The following USP33 variants were observed in gnomAD, a reference collection of about 807,000 sequenced individuals.
The protein encoded by USP33 is ubiquitin specific peptidase 33, also known as ubiquitin carboxyl-terminal hydrolase 33.
A neutral mutation model predicts 124.2 loss-of-function variants in USP33; 46 were observed. The observed-to-expected ratio is 0.37, with a 90% CI of 0.29 to 0.47. USP33 has a LOEUF of 0.47. USP33 is among the 20% of genes least tolerant of loss of function. The pLI is 0.99. For synonymous variants in USP33, 350 were observed against 352.3 expected, an observed-to-expected ratio of 0.99 and a Z score of 0.07; for missense variants, 851 against 1,070.6, an observed-to-expected ratio of 0.79 and a Z score of 2.86.
intron 21 of USP33, among the ~76,000 whole-genome samples, chr1:77,705,951 T>C (rs1432781443): frequency 6.6e-6 from 1 of 152,262 alleles, no homozygotes; most frequent in African/African-American, 2.4e-5. Context: ...ATAATGTTTC[T>C]ACTATTCATC....
intron 3 of USP33, among the ~76,000 whole-genome samples, 161 bp downstream of exon 3, chr1:77,741,215 G>T (rs1679079724): frequency 6.6e-6 from 1 of 152,074 alleles, no homozygotes. Flanking sequence ...TACAGATTAA[G>T]ATCTTTCCAA....
At chr1:77,755,269 C>T (rs1230999656) in intron 1 of USP33, among the ~76,000 whole-genome samples, 1 of 152,176 alleles carries the variant, frequency 6.6e-6, no homozygotes, top group Non-Finnish European at 1.5e-5. Context: ...AAAACAAATG[C>T]TATCACCATA....
At chr1:77,714,342 G>A (rs1409002699) in intron 19 of USP33, among the ~76,000 whole-genome samples, 2 of 152,142 alleles carry the variant, frequency 1.3e-5, no homozygotes, top group African/African-American at 4.8e-5. Flanking sequence ...AGCTTTCACA[G>A]AAGAAAAAGG....
chr1:77,725,331 T>C (rs1677041130), intron 11 of USP33, among the ~76,000 whole-genome samples: 1 of 152,100 alleles, frequency 6.6e-6, no homozygotes, highest in Non-Finnish European at 1.5e-5. Flanking sequence ...TTCTTTGGGG[T>C]GTTAGAGCTG....
chr1:77,700,791 C>T (rs1369432223), intron 22 of USP33, among the ~76,000 whole-genome samples: 1 of 150,998 alleles, frequency 6.6e-6, no homozygotes, highest in Non-Finnish European at 1.5e-5. Context: ...GCCTCCGCCT[C>T]GTGGATTCAA....
At chr1:77,754,605 CA>C (rs550618669) in intron 1 of USP33, among the ~76,000 whole-genome samples, 84 of 152,320 alleles carry the variant, frequency 5.5e-4, no homozygotes, top group African/African-American at 2.0e-3. Flanking sequence ...GAAGATCCCA[CA>C]AAGTCCTATA....
chr1:77,733,025 C>A (rs1678017168), intron 7 of USP33, among the ~76,000 whole-genome samples: 3 of 151,650 alleles, frequency 2.0e-5, no homozygotes, highest in Admixed American at 1.3e-4. Context: ...GAACTCCTGA[C>A]CTCATGATCC....
chr1:77,729,951 A>T lies in USP33; in HGVS notation c.639-13T>A. The T allele has an allele frequency of 1.3e-6, 2 of 1,586,780 alleles. No individual in the cohort carries two copies. The highest frequency in any genetic ancestry group is 1.7e-6 in the Non-Finnish European group (2 of 1,171,314). ...AACAGATCCTGGCCTGAGCAAGAAA[A>T]CATTTTTAAAGAGCAATTTTTGTTA... On this transcript the variant is annotated splice_polypyrimidine_tract_variant and intron_variant, in intron 8 of 23. Transcript: ENST00000370794.
chr1:77,729,905 T>G lies in USP33; in HGVS notation c.672A>C (p.Gln224His). Reference sequence around the variant, plus strand: ...ATGTTGGATTTACAGTTTTAATTCCTTGAAACAGAGTAGTAGGCACAACAG... The same window carrying G: ...ATGTTGGATTTACAGTTTTAATTCCGTGAAACAGAGTAGTAGGCACAACAG... ...PGSVVPTTLF[Q>H]GIKTVNPTFR... is the part of the protein sequence containing the mutation. Residue 224 changes from glutamine (Q) to histidine (H), a missense_variant, in exon 9 of 24, where the codon CAA becomes CAC. This residue lies in a region of USP33 where 221 missense variants were observed against 302.9 expected (regional missense o/e 0.73). Transcript: ENST00000370794. 5.6e-6 allele frequency: 9 copies of G among 1,613,914 alleles called. No homozygotes were observed. The highest frequency in any genetic ancestry group is 5.9e-6 in the Non-Finnish European group (7 of 1,179,904).
At chr1:77,725,263 G>A (rs1225029427) in intron 11 of USP33, among the ~76,000 whole-genome samples, 1 of 152,030 alleles carries the variant, frequency 6.6e-6, no homozygotes. Context: ...GAGGATCAAG[G>A]GTGCCAGAAC....
chr1:77,697,746 A>C lies in USP33; in HGVS notation c.2578+117T>G, dbSNP rs750956646. ...TGCTTTTCATTACTTGCCCTAGTTA[A>C]TGTATGGATTACATTCTTCAGTTGA... On this transcript the variant is annotated intron_variant, in intron 23 of 23. Coordinates refer to ENST00000370794, the MANE Select transcript of USP33 (RefSeq NM_201624.3). 349 of 1,101,982 alleles carry C rather than the reference A, an allele frequency of 3.2e-4. 1 individual carries two copies. In the Middle Eastern group the frequency reaches 6.6e-3, roughly 21 times the overall value. 68.3% of individuals were successfully genotyped at this position (1,101,982 alleles called of 1,614,324 possible).
At chr1:77,712,615 T>C (rs541153500) in intron 20 of USP33, among the ~76,000 whole-genome samples, 16 of 152,314 alleles carry the variant, frequency 1.1e-4, no homozygotes, top group Middle Eastern at 3.4e-3. Flanking sequence ...AGCAGCCACA[T>C]GGCTTGAGCC....
intron 1 of USP33, among the ~76,000 whole-genome samples, chr1:77,753,595 C>T (rs1190310570): frequency 6.6e-6 from 1 of 151,732 alleles, no homozygotes; most frequent in African/African-American, 2.4e-5. Context: ...TCATAGAAAA[C>T]CTTAAAAGAA....
At chr1:77,748,627 T>C (rs1679969667) in intron 1 of USP33, among the ~76,000 whole-genome samples, 1 of 149,728 alleles carries the variant, frequency 6.7e-6, no homozygotes, top group Admixed American at 6.7e-5. Flanking sequence ...CAAGATTGCG[T>C]CACTGCACTC....
chr1:77,702,407 A>G (rs1266348240), intron 21 of USP33, among the ~76,000 whole-genome samples: 3 of 152,164 alleles, frequency 2.0e-5, no homozygotes, highest in South Asian at 4.1e-4. Context: ...TCCACAGTCT[A>G]TACTTTTTGT....
chr1:77,730,962 C>T (rs115508343), intron 7 of USP33, among the ~76,000 whole-genome samples: 1,591 of 152,330 alleles, frequency 0.01, 29 homozygotes, highest in African/African-American at 0.036. Flanking sequence ...TCAGTCCCCA[C>T]TCAGTAACAT....
chr1:77,707,852 C>A (rs1317081652), intron 21 of USP33, among the ~76,000 whole-genome samples: 1 of 151,978 alleles, frequency 6.6e-6, no homozygotes, highest in African/African-American at 2.4e-5. Flanking sequence ...TTTTTCCTTT[C>A]ATTTGACTAC....
chr1:77,720,776 T>C (rs1396325533), intron 15 of USP33, among the ~76,000 whole-genome samples: 1 of 152,244 alleles, frequency 6.6e-6, no homozygotes, highest in Non-Finnish European at 1.5e-5. Flanking sequence ...CTTTCTCGTA[T>C]GCCATTGTTA....
intron 22 of USP33, among the ~76,000 whole-genome samples, chr1:77,698,482 G>A (rs2101146640): frequency 6.7e-6 from 1 of 148,888 alleles, no homozygotes; most frequent in South Asian, 2.1e-4. Flanking sequence ...AACCATCACA[G>A]TTTAACAGAA....
Sources: allele counts gnomAD v4.1 joint callset (sites outside exome capture counted in the v4.1 genomes callset), GRCh38; gene constraint gnomAD v4.1.1; regional missense constraint gnomAD v4.1.1; transcripts MANE v1.5; gene names NCBI Gene and HGNC (gene_info 2026-07-23, HGNC 2026-07-21).